The following SELENOF variants were observed in gnomAD, a reference collection of about 807,000 sequenced individuals.
SELENOF encodes the protein 15 kDa selenoprotein.
SELENOF carries 16 observed loss-of-function variants against 20.5 expected under a neutral mutation model. That is an observed-to-expected ratio of 0.78 (90% CI 0.53 to 1.19). The LOEUF (loss-of-function observed/expected upper bound fraction) is 1.19, where lower values mean the gene tolerates loss of function less well. SELENOF is among the 50% of genes most tolerant of loss of function. SELENOF has a pLI of 0.00. For missense variants in SELENOF, 215 were observed against 194.2 expected (o/e 1.11, Z -0.64); for synonymous variants, 78 against 74.5 (o/e 1.05, Z -0.24).
intron 2 of SELENOF, among the ~76,000 whole-genome samples, chr1:86,897,304 G>T (rs554145754): frequency 6.6e-6 from 1 of 152,086 alleles, no homozygotes; most frequent in South Asian, 2.1e-4. Context: ...GGGAGGGGTG[G>T]AAAAAAATCC....
intron 1 of SELENOF, among the ~76,000 whole-genome samples, chr1:86,911,482 C>G (rs890619277): frequency 1.3e-5 from 2 of 152,156 alleles, no homozygotes; most frequent in South Asian, 2.1e-4. Context: ...CAAGTGCCTC[C>G]TTAAGGAACA....
At chr1:86,878,131 T>C (rs1557458003) in intron 3 of SELENOF, among the ~76,000 whole-genome samples, 2 of 152,344 alleles carry the variant, frequency 1.3e-5, no homozygotes, top group East Asian at 1.9e-4. Context: ...AAAGGTATTT[T>C]AGAAGGCATA....
At chr1:86,891,614 G>A (rs1160631652) in intron 2 of SELENOF, among the ~76,000 whole-genome samples, 28 of 152,026 alleles carry the variant, frequency 1.8e-4, no homozygotes, top group Admixed American at 1.6e-3. Flanking sequence ...AGAACTGACT[G>A]CATTTATATT....
At chr1:86,907,057 G>A (rs892430681) in intron 1 of SELENOF, among the ~76,000 whole-genome samples, 1 of 152,208 alleles carries the variant, frequency 6.6e-6, no homozygotes, top group Admixed American at 6.5e-5. Flanking sequence ...CCTACTGACA[G>A]GTAGCATGAC....
intron 3 of SELENOF, among the ~76,000 whole-genome samples, chr1:86,872,749 T>C (rs1039067643): frequency 6.6e-6 from 1 of 151,682 alleles, no homozygotes; most frequent in Non-Finnish European, 1.5e-5. Flanking sequence ...ATACAAAAAT[T>C]AGCCAGGCAC....
chr1:86,867,573 T>C (rs2102069326), intron 4 of SELENOF, among the ~76,000 whole-genome samples: 1 of 152,204 alleles, frequency 6.6e-6, no homozygotes, highest in South Asian at 2.1e-4. Context: ...AGAAATGACC[T>C]GAACGTGTGA....
rs1287063482 is a variant in SELENOF, at chr1:86,914,024, T to A, written c.84+4A>T. On this transcript the variant is annotated splice_donor_region_variant and intron_variant, in intron 1 of 4. Transcript: ENST00000331835. ...TGGCAGCTGCGAAGGTGATCTACAC[T>A]CACCGCTTGAAGCACAGTCGCCAAC... The A allele has an allele frequency of 3.1e-6, 5 of 1,611,048 alleles. No homozygotes were observed. In the Admixed American group the frequency reaches 6.7e-5, roughly 21 times the overall value.
chr1:86,863,544 T>G lies in SELENOF; in HGVS notation c.428A>C (p.Glu143Ala). The change falls in exon 5 of 5, where the codon GAA (glutamate) becomes GCA (alanine). Residue 143 changes from glutamate (E) to alanine (A), a missense_variant. Glu to Ala is a moderately radical substitution (Grantham distance 107). Transcript: ENST00000331835. ...LLDDNGNIAEELSILKWNTDS... is the reference protein window; with the variant it reads ...LLDDNGNIAEALSILKWNTDS... ...TGTGTTCCATTTGAGAATGCTCAGT[T>G]CTTCAGCAATGTTCCCATTGTCGTC... 1 of 1,613,622 alleles carries G rather than the reference T, an allele frequency of 6.2e-7. No individual in the cohort carries two copies. Among genetic ancestry groups the G allele is most frequent in the Non-Finnish European group, 8.5e-7 (1 of 1,179,562 alleles).
chr1:86,903,320 T>C lies in SELENOF; in HGVS notation c.213A>G (p.Arg71=), dbSNP rs571601463. ...ATTGTGCTTCCTCCTGACAGCATCC[T>C]CTGCAATCAGGATCCAGCTGAAGCA... ...FNLLQLDPDC[R]GCCQEEAQFE... Residue 71 remains arginine, a synonymous_variant, in exon 2 of 5, where the codon AGA becomes AGG. Coordinates refer to ENST00000331835, the MANE Select transcript of SELENOF (RefSeq NM_004261.5). 3 of 1,612,240 alleles carry C rather than the reference T, an allele frequency of 1.9e-6. No individual in the cohort carries two copies. In the Admixed American group the frequency reaches 5.0e-5, roughly 27 times the overall value.
chr1:86,884,552 A>G (rs1659167013), intron 2 of SELENOF, among the ~76,000 whole-genome samples: 1 of 152,232 alleles, frequency 6.6e-6, no homozygotes, highest in African/African-American at 2.4e-5. Flanking sequence ...ACACACAATG[A>G]AATATATGCT....
intron 2 of SELENOF, among the ~76,000 whole-genome samples, chr1:86,900,634 G>A (rs1031139227): frequency 6.6e-6 from 1 of 151,804 alleles, no homozygotes; most frequent in Non-Finnish European, 1.5e-5. Context: ...GGGGGAGAGG[G>A]AGACCGTGGG....
At chr1:86,909,323 G>A (rs777503007) in intron 1 of SELENOF, among the ~76,000 whole-genome samples, 5 of 152,142 alleles carry the variant, frequency 3.3e-5, no homozygotes, top group South Asian at 2.1e-4. Context: ...AGTTACTACA[G>A]AAGAGACATG....
At chr1:86,876,564 T>C (rs968221829) in intron 3 of SELENOF, among the ~76,000 whole-genome samples, 1 of 152,112 alleles carries the variant, frequency 6.6e-6, no homozygotes, top group South Asian at 2.1e-4. Context: ...AAATGTCCCA[T>C]GGAAGTAAAA....
chr1:86,912,480 T>C (rs564717735), intron 1 of SELENOF, among the ~76,000 whole-genome samples: 1 of 152,334 alleles, frequency 6.6e-6, no homozygotes, highest in Non-Finnish European at 1.5e-5. Context: ...AGATGAAATC[T>C]ATTTCTCCAT....
Position 86,890,485 on chromosome 1 carries a change from ACT to A in SELENOF, c.253-9762_253-9761del, listed in dbSNP as rs145693276. 9.0e-3 allele frequency among the ~76,000 whole-genome samples: 1,368 copies of A among 151,838 alleles called. 20 individuals carry two copies. Among genetic ancestry groups the A allele is most frequent in the African/African-American group, 0.032 (1,319 of 41,390 alleles). ...TCTACCTTCTACCCTCTACTTAATA[ACT>A]CTTTTTTTCTTTTTTAATTTGGAGA... On this transcript the variant is annotated intron_variant, in intron 2 of 4. Coordinates refer to ENST00000331835, the MANE Select transcript of SELENOF (RefSeq NM_004261.5).
chr1:86,869,978 T>A (rs1395859169), intron 3 of SELENOF, among the ~76,000 whole-genome samples: 4 of 152,170 alleles, frequency 2.6e-5, no homozygotes, highest in Non-Finnish European at 4.4e-5. Flanking sequence ...TTTCACCATG[T>A]TAGCCAGGAT....
intron 2 of SELENOF, among the ~76,000 whole-genome samples, chr1:86,891,105 A>G (rs1452117549): frequency 6.6e-6 from 1 of 150,698 alleles, no homozygotes; most frequent in Middle Eastern, 3.4e-3. Flanking sequence ...GCTGGAGTGC[A>G]ATGGCAAGAT....
chr1:86,885,055 C>A (rs1659177808), intron 2 of SELENOF, among the ~76,000 whole-genome samples: 1 of 152,032 alleles, frequency 6.6e-6, no homozygotes, highest in African/African-American at 2.4e-5. Context: ...TTAAAATATG[C>A]GAATTTCCCA....
rs527886765 is a variant in SELENOF at position 86,891,867 on chromosome 1, C to T, written c.253-11142G>A. Among the ~76,000 whole-genome samples, 30 of 151,622 alleles carry T rather than the reference C, an allele frequency of 2.0e-4. No individual in the cohort carries two copies. In the South Asian group the frequency reaches 6.0e-3, roughly 31 times the overall value. ...TTCATTTAAAGTGGTTGGAACAGTA[C>T]CTTCAGATAACAACTTAATGAATGT... On this transcript the variant is annotated intron_variant, in intron 2 of 4. Coordinates refer to ENST00000331835, the MANE Select transcript of SELENOF (RefSeq NM_004261.5).
Sources: gnomAD v4.1 joint callset for allele counts (sites outside exome capture counted in the v4.1 genomes callset) on GRCh38, gnomAD v4.1.1 for gene constraint, MANE v1.5 for transcripts, NCBI Gene and HGNC (gene_info 2026-07-23, HGNC 2026-07-21) for gene names.